Variants in GRK3 observed in about 807,000 individuals in gnomAD.
GRK3 encodes the protein G protein-coupled receptor kinase 3, also known as adrenergic, beta, receptor kinase 2.
A neutral mutation model predicts 95.7 loss-of-function variants in GRK3; 54 were observed. That is an observed-to-expected ratio of 0.56 (90% confidence interval 0.45 to 0.71). The LOEUF (loss-of-function observed/expected upper bound fraction) is 0.71. Among genes scored for constraint, GRK3 ranks in the 30% least tolerant of loss-of-function variants. The probability of loss-of-function intolerance (pLI) is 0.00; values close to 1 mark genes in which losing one functional copy is unlikely to be tolerated. For missense variants in GRK3, 649 were observed against 851.2 expected (o/e 0.76, Z 2.96); for synonymous variants, 281 against 290.8 (o/e 0.97, Z 0.34).
At chr22:25,609,623 C>T (rs1401068600) in intron 2 of GRK3, among the ~76,000 whole-genome samples, 5 of 152,042 alleles carry the variant, frequency 3.3e-5, no homozygotes, top group African/African-American at 1.2e-4. Context: ...AGCCAATGTG[C>T]CCAGCCCCCA....
intron 2 of GRK3, among the ~76,000 whole-genome samples, chr22:25,622,034 CT>C (rs1223820302): frequency 1.3e-5 from 2 of 151,940 alleles, no homozygotes; most frequent in African/African-American, 4.8e-5. Context: ...CATCCTTTGC[CT>C]TTTTTTTCTT....
At chr22:25,641,468 C>A (rs1005593788) in intron 2 of GRK3, among the ~76,000 whole-genome samples, 2 of 152,164 alleles carry the variant, frequency 1.3e-5, no homozygotes, top group Non-Finnish European at 2.9e-5. Context: ...AACACCTGTA[C>A]CCTATGCATT....
At chr22:25,694,325 C>T (rs932818104) in intron 12 of GRK3, among the ~76,000 whole-genome samples, 1 of 152,160 alleles carries the variant, frequency 6.6e-6, no homozygotes, top group African/African-American at 2.4e-5. Flanking sequence ...AGTTCCCCAC[C>T]GGCTGCCTCG....
chr22:25,659,846 G>T (rs1241079121), intron 3 of GRK3, among the ~76,000 whole-genome samples: 1 of 152,144 alleles, frequency 6.6e-6, no homozygotes, highest in Admixed American at 6.5e-5. Context: ...GTGGTTCAGA[G>T]CATGATTTAC....
chr22:25,613,057 A>G (rs181329335), intron 2 of GRK3, among the ~76,000 whole-genome samples: 290 of 152,358 alleles, frequency 1.9e-3, no homozygotes, highest in African/African-American at 6.5e-3. Context: ...ATTGCTTGAC[A>G]TGTTTAATAT....
At chr22:25,583,970 T>C (rs1932194568) in intron 1 of GRK3, among the ~76,000 whole-genome samples, 1 of 152,240 alleles carries the variant, frequency 6.6e-6, no homozygotes, top group East Asian at 1.9e-4. Context: ...CTCTAAACAA[T>C]GCTACGGCAG....
intron 1 of GRK3, among the ~76,000 whole-genome samples, chr22:25,576,855 G>A (rs1200561065): frequency 6.6e-6 from 1 of 152,196 alleles, no homozygotes; most frequent in Non-Finnish European, 1.5e-5. Flanking sequence ...ATTATCCACT[G>A]CAGGGGTCTG....
chr22:25,663,181 C>CATTTTT (rs955225722), intron 4 of GRK3, among the ~76,000 whole-genome samples: 6 of 152,072 alleles, frequency 3.9e-5, no homozygotes, highest in African/African-American at 9.7e-5. Context: ...ATGCCTGGCT[C>CATTTTT]ATTTTTATTT....
At chr22:25,571,131 A>G (rs1437858572) in intron 1 of GRK3, among the ~76,000 whole-genome samples, 3 of 152,154 alleles carry the variant, frequency 2.0e-5, no homozygotes, top group African/African-American at 7.2e-5. Flanking sequence ...TGCTAATGTG[A>G]AAATAGCCAG....
chr22:25,676,405 A>G (rs2085029503), intron 8 of GRK3, among the ~76,000 whole-genome samples: 1 of 152,206 alleles, frequency 6.6e-6, no homozygotes, highest in Non-Finnish European at 1.5e-5. Context: ...GAAGTAAATA[A>G]TATCGGCCGG....
At chr22:25,661,711 C>A in intron 4 of GRK3, 34 bp downstream of exon 4, 3 of 1,330,722 alleles carry the variant, frequency 2.3e-6, no homozygotes, top group South Asian at 1.3e-5. Flanking sequence ...TACTTTAGTA[C>A]TGATGAATAA....
chr22:25,565,189 G>A (rs775353199), intron 1 of GRK3, 36 bp downstream of exon 1: 67 of 1,201,662 alleles, frequency 5.6e-5, no homozygotes, highest in Non-Finnish European at 7.5e-5. Context: ...GCCCCAAGCC[G>A]CCGCCCCCTG....
chr22:25,671,363 A>C (rs769213641), intron 6 of GRK3, among the ~76,000 whole-genome samples: 8 of 152,218 alleles, frequency 5.3e-5, no homozygotes, highest in Non-Finnish European at 1.0e-4. Flanking sequence ...CAAAAACAAA[A>C]GACCCACCTT....
intron 4 of GRK3, among the ~76,000 whole-genome samples, chr22:25,661,901 C>A (rs1242295105): frequency 6.6e-6 from 1 of 152,056 alleles, no homozygotes; most frequent in African/African-American, 2.4e-5. Flanking sequence ...ACTTTCACTG[C>A]AAACATCAAT....
At chr22:25,647,558 TA>T (rs1186074559) in intron 3 of GRK3, 2 of 1,561,962 alleles carry the variant, frequency 1.3e-6, no homozygotes, top group Non-Finnish European at 1.8e-6. Context: ...TTTGTGGCCT[TA>T]TATGATTATG....
At chr22:25,574,124 T>A (rs1278378805) in intron 1 of GRK3, among the ~76,000 whole-genome samples, 1 of 152,258 alleles carries the variant, frequency 6.6e-6, no homozygotes, top group African/African-American at 2.4e-5. Context: ...GTTTGGATAC[T>A]AATATGTCTG....
chr22:25,626,362 T>C (rs2084628405), intron 2 of GRK3, among the ~76,000 whole-genome samples: 1 of 152,154 alleles, frequency 6.6e-6, no homozygotes, highest in African/African-American at 2.4e-5. Flanking sequence ...GAGGGATCCT[T>C]TGGGCAGCTG....
intron 1 of GRK3, among the ~76,000 whole-genome samples, chr22:25,576,038 C>T (rs1931878854): frequency 6.6e-6 from 1 of 152,182 alleles, no homozygotes; most frequent in Non-Finnish European, 1.5e-5. Flanking sequence ...TAAGTGAGAG[C>T]CTCCCCCTCC....
intron 9 of GRK3, among the ~76,000 whole-genome samples, chr22:25,681,255 G>A (rs1411845885): frequency 1.3e-5 from 2 of 152,150 alleles, no homozygotes; most frequent in African/African-American, 4.8e-5. Flanking sequence ...TCATACAGCT[G>A]CATGGAAAGG....
Sources: allele counts gnomAD v4.1 joint callset (sites outside exome capture counted in the v4.1 genomes callset), GRCh38; gene constraint gnomAD v4.1.1; transcripts MANE v1.5; gene names NCBI Gene and HGNC (gene_info 2026-07-23, HGNC 2026-07-21).